The following EXOC3L2 variants were observed in gnomAD, a reference collection of about 807,000 sequenced individuals.
The protein encoded by EXOC3L2 is exocyst complex component 3 like 2.
Under a neutral mutation model 44.4 loss-of-function variants are expected in EXOC3L2, and 17 were observed. That is an observed-to-expected ratio of 0.38 (90% CI 0.26 to 0.57). The LOEUF (loss-of-function observed/expected upper bound fraction) is 0.57, where lower values mean the gene tolerates loss of function less well. Among genes scored for constraint, EXOC3L2 ranks in the 20% least tolerant of loss-of-function variants. The probability of loss-of-function intolerance (pLI) is 0.65; values close to 1 mark genes in which losing one functional copy is unlikely to be tolerated. For missense variants in EXOC3L2, 541 were observed against 588.4 expected (o/e 0.92, Z 0.83); for synonymous variants, 256 against 253.7 (o/e 1.01, Z -0.09).
chr19:45,227,011 C>T (rs1022933443), intron 7 of EXOC3L2, among the ~76,000 whole-genome samples: 1 of 151,010 alleles, frequency 6.6e-6, no homozygotes, highest in African/African-American at 2.4e-5. Context: ...CCTCGGCCTC[C>T]CAAAGTGCTG....
At chr19:45,235,267 C>G (rs917134869) in intron 2 of EXOC3L2, among the ~76,000 whole-genome samples, 3 of 152,040 alleles carry the variant, frequency 2.0e-5, no homozygotes, top group African/African-American at 7.2e-5. Flanking sequence ...TGCACCCCAG[C>G]CTGGGCAACA....
intron 7 of EXOC3L2, 63 bp downstream of exon 7, chr19:45,227,599 G>A: frequency 7.1e-7 from 1 of 1,413,242 alleles, no homozygotes; most frequent in Non-Finnish European, 9.8e-7. Context: ...CAGGATCCGG[G>A]CATCCCAGGT....
In EXOC3L2 at chr19:45,228,081, G is replaced by A. The variant is rs346767; in HGVS notation, c.1372-7C>T. On this transcript the variant is annotated splice_region_variant and splice_polypyrimidine_tract_variant and intron_variant, in intron 5 of 11. Coordinates refer to ENST00000413988, the MANE Select transcript of EXOC3L2 (RefSeq NM_001382422.1). Reference sequence around the variant, plus strand: ...CTGTGTGCTCTTCCAGCAGCTGTGAGGTCCAGGGCGACAAGAAGAGGTGAG... The same window carrying A: ...CTGTGTGCTCTTCCAGCAGCTGTGAAGTCCAGGGCGACAAGAAGAGGTGAG... 2.3e-4 allele frequency: 376 copies of A among 1,613,842 alleles called. 2 individuals carry two copies. The African/African-American group carries it at 3.9e-3, about 17-fold the overall frequency.
Position 45,228,158 on chromosome 19 carries a change from C to G in EXOC3L2, c.1371+7G>C. The G allele has an allele frequency of 6.2e-7, 1 of 1,614,080 alleles. No homozygotes were observed. The highest frequency in any genetic ancestry group is 2.2e-5 in the East Asian group (1 of 44,876). The stretch of plus-strand genomic sequence containing the variant: ...AGCCCATCCCCCAGCCTCCCTCCAC[C>G]TCCTACCTCACACACATCCTGGGCC... On this transcript the variant is annotated splice_region_variant and intron_variant, in intron 5 of 11. Coordinates refer to ENST00000413988, the MANE Select transcript of EXOC3L2 (RefSeq NM_001382422.1).
chr19:45,241,477 CA>C (rs554632176), intron 1 of EXOC3L2, among the ~76,000 whole-genome samples: 1,492 of 94,796 alleles, frequency 0.016, 25 homozygotes, highest in African/African-American at 0.056. Flanking sequence ...GACTCCATCT[CA>C]AAAAAAAAAA....
At chr19:45,216,508 G>C (rs958310667) in intron 10 of EXOC3L2, among the ~76,000 whole-genome samples, 5 of 152,070 alleles carry the variant, frequency 3.3e-5, no homozygotes, top group Admixed American at 1.3e-4. Context: ...GAAATCGAGA[G>C]GCAGAGGTTA....
intron 8 of EXOC3L2, among the ~76,000 whole-genome samples, chr19:45,222,967 A>C (rs1262500767): frequency 6.6e-6 from 1 of 152,192 alleles, no homozygotes; most frequent in Non-Finnish European, 1.5e-5. Flanking sequence ...TATTTAAGAT[A>C]GCAAGCTGGG....
chr19:45,220,455 G>C (rs1234581878), intron 8 of EXOC3L2, among the ~76,000 whole-genome samples: 1 of 152,108 alleles, frequency 6.6e-6, no homozygotes, highest in Non-Finnish European at 1.5e-5. Context: ...GGGCGACAGA[G>C]CAAGATTCTA....
At chr19:45,216,045 G>C in intron 11 of EXOC3L2, 28 bp downstream of exon 11, 1 of 1,611,110 alleles carries the variant, frequency 6.2e-7, no homozygotes, top group Non-Finnish European at 8.5e-7. Context: ...CAGGCACGGC[G>C]AGCCCTGGCC....
intron 11 of EXOC3L2, among the ~76,000 whole-genome samples, chr19:45,213,771 C>G (rs1969804426): frequency 6.6e-6 from 1 of 151,452 alleles, no homozygotes; most frequent in Admixed American, 6.6e-5. Context: ...ATGGCGAAAC[C>G]CTCTCTCTAC....
At chr19:45,239,951 C>T (rs1223152011) in intron 1 of EXOC3L2, among the ~76,000 whole-genome samples, 2 of 152,108 alleles carry the variant, frequency 1.3e-5, no homozygotes, top group Non-Finnish European at 2.9e-5. Context: ...CCCTACCATC[C>T]ACCCAGACGT....
At chr19:45,223,032 C>T (rs1029648772) in intron 8 of EXOC3L2, among the ~76,000 whole-genome samples, 3 of 152,096 alleles carry the variant, frequency 2.0e-5, no homozygotes, top group Admixed American at 1.3e-4. Context: ...TCAGGAGGAT[C>T]GCTTGAGCCC....
At chr19:45,219,918 T>C (rs1969879251) in intron 8 of EXOC3L2, among the ~76,000 whole-genome samples, 1 of 152,102 alleles carries the variant, frequency 6.6e-6, no homozygotes, top group South Asian at 2.1e-4. Context: ...ACACCTGTAA[T>C]TCCAGCACTT....
chr19:45,214,314 C>G (rs1010163159), intron 11 of EXOC3L2, among the ~76,000 whole-genome samples: 1 of 152,136 alleles, frequency 6.6e-6, no homozygotes, highest in African/African-American at 2.4e-5. Context: ...GGTTCTGTTT[C>G]TCTGAGTATG....
intron 7 of EXOC3L2, among the ~76,000 whole-genome samples, chr19:45,227,184 C>T (rs1002861742): frequency 6.6e-5 from 10 of 150,760 alleles, no homozygotes; most frequent in African/African-American, 2.2e-4. Flanking sequence ...GTGGTGCGAT[C>T]TTGGCTCACT....
intron 7 of EXOC3L2, 51 bp downstream of exon 7, chr19:45,227,611 A>T (rs1420119480): frequency 1.3e-6 from 2 of 1,508,282 alleles, no homozygotes; most frequent in South Asian, 2.4e-5. Flanking sequence ...ATCCCAGGTC[A>T]GCTTCCACCT....
chr19:45,222,936 G>A (rs541424039), intron 8 of EXOC3L2, among the ~76,000 whole-genome samples: 1 of 152,262 alleles, frequency 6.6e-6, no homozygotes, highest in South Asian at 2.1e-4. Flanking sequence ...GAATGTGTTT[G>A]CTGTTGCTAT....
chr19:45,227,757 C>T lies in EXOC3L2; in HGVS notation c.1488G>A (p.Val496=), dbSNP rs140822467. 2.5e-6 allele frequency: 4 copies of T among 1,612,010 alleles called. No homozygotes were observed. In the African/African-American group the frequency reaches 4.0e-5, roughly 16 times the overall value. ...CTGCTGGGTTCTCATGGAATCGCTC[C>T]ACACGCTGCTGGAAGCTGGTGGGAG... ...AEFLQSFQQR[V]ERFHENPAVR... Residue 496 remains valine, a synonymous_variant, in exon 7 of 12, where the codon GTG becomes GTA. Coordinates refer to ENST00000413988, the MANE Select transcript of EXOC3L2 (RefSeq NM_001382422.1).
At chr19:45,231,608 C>T (rs1970032551) in intron 4 of EXOC3L2, among the ~76,000 whole-genome samples, 155 bp downstream of exon 4, 1 of 152,106 alleles carries the variant, frequency 6.6e-6, no homozygotes, top group African/African-American at 2.4e-5. Context: ...GTACAGCGGC[C>T]TTTGTGTCTA....
Sources: allele counts gnomAD v4.1 joint callset (sites outside exome capture counted in the v4.1 genomes callset), GRCh38; gene constraint gnomAD v4.1.1; transcripts MANE v1.5; gene names NCBI Gene and HGNC (gene_info 2026-07-23, HGNC 2026-07-21).